The following MGAT4C variants were observed in gnomAD, a reference collection of about 807,000 sequenced individuals.
MGAT4C encodes the protein alpha-1,3-mannosyl-glycoprotein 4-beta-N-acetylglucosaminyltransferase C.
A neutral mutation model predicts 40.1 loss-of-function variants in MGAT4C; 19 were observed. The ratio of observed to expected loss-of-function variants is 0.47; its 90% CI spans 0.33 to 0.70. The LOEUF (loss-of-function observed/expected upper bound fraction) is 0.70. Among genes scored for constraint, MGAT4C ranks in the 30% least tolerant of loss-of-function variants. The pLI, the probability that MGAT4C is intolerant of heterozygous loss-of-function variation, is 0.02. For missense variants in MGAT4C, 491 were observed against 563.2 expected (o/e 0.87, Z 1.30); for synonymous variants, 181 against 187.1 (o/e 0.97, Z 0.27).
intron 1 of MGAT4C, among the ~76,000 whole-genome samples, chr12:86,744,770 T>G (rs1245705950): frequency 6.6e-6 from 1 of 151,572 alleles, no homozygotes; most frequent in Non-Finnish European, 1.5e-5. Context: ...TCTGAGATTC[T>G]GTGTGGTAAA....
At chr12:86,135,295 G>A (rs1355416022) in intron 1 of MGAT4C, among the ~76,000 whole-genome samples, 3 of 152,100 alleles carry the variant, frequency 2.0e-5, no homozygotes, top group African/African-American at 7.2e-5. Flanking sequence ...GATCAAAGAC[G>A]TTTCTAGAAG....
intron 2 of MGAT4C, among the ~76,000 whole-genome samples, chr12:86,539,593 C>T (rs1417747012): frequency 2.0e-5 from 3 of 152,276 alleles, no homozygotes; most frequent in Non-Finnish European, 4.4e-5. Flanking sequence ...CTTGAGGAAT[C>T]GCCACACTGT....
chr12:86,171,284 G>T (rs1359434842), intron 1 of MGAT4C, among the ~76,000 whole-genome samples: 2 of 152,034 alleles, frequency 1.3e-5, no homozygotes, highest in East Asian at 1.9e-4. Context: ...CAGGAGAATC[G>T]CTTGAACCCA....
intron 3 of MGAT4C, among the ~76,000 whole-genome samples, chr12:86,385,054 C>T (rs1956025640): frequency 6.6e-6 from 1 of 152,080 alleles, no homozygotes; most frequent in African/African-American, 2.4e-5. Context: ...TTAATGTTAC[C>T]ATTTAAAATT....
At chr12:86,120,312 G>C (rs1467721212) in intron 1 of MGAT4C, among the ~76,000 whole-genome samples, 1 of 152,016 alleles carries the variant, frequency 6.6e-6, no homozygotes, top group African/African-American at 2.4e-5. Context: ...CACCTCTGGG[G>C]GCAGGGCATA....
chr12:86,636,942 C>G (rs532679620), intron 2 of MGAT4C, among the ~76,000 whole-genome samples: 1 of 151,958 alleles, frequency 6.6e-6, no homozygotes, highest in African/African-American at 2.4e-5. Context: ...CATATTTCAA[C>G]ATAGTAATTT....
chr12:86,817,092 A>G (rs1952621270), intron 1 of MGAT4C, among the ~76,000 whole-genome samples: 2 of 150,700 alleles, frequency 1.3e-5, no homozygotes, highest in African/African-American at 2.4e-5. Context: ...ATGTTACATT[A>G]ATTTTCAAGC....
At chr12:86,491,122 AT>A (rs1488804885) in intron 2 of MGAT4C, among the ~76,000 whole-genome samples, 1 of 152,292 alleles carries the variant, frequency 6.6e-6, no homozygotes, top group Non-Finnish European at 1.5e-5. Flanking sequence ...GAATAGACCA[AT>A]AACAGGCTCT....
intron 2 of MGAT4C, among the ~76,000 whole-genome samples, chr12:86,032,341 T>A (rs1890836606): frequency 6.6e-6 from 1 of 150,640 alleles, no homozygotes; most frequent in African/African-American, 2.4e-5. Context: ...ATCGCAACAC[T>A]GCTTTCCACA....
At chr12:86,276,229 T>G (rs1953078490) in intron 4 of MGAT4C, among the ~76,000 whole-genome samples, 1 of 152,202 alleles carries the variant, frequency 6.6e-6, no homozygotes, top group Admixed American at 6.5e-5. Flanking sequence ...TAAATTTAGC[T>G]ATTATTATTG....
intron 2 of MGAT4C, among the ~76,000 whole-genome samples, chr12:86,611,590 G>A (rs967189754): frequency 1.3e-5 from 2 of 152,068 alleles, no homozygotes; most frequent in African/African-American, 4.8e-5. Context: ...TCAGCAATTT[G>A]TAGTACTGCT....
chr12:86,129,603 A>G (rs1251377325), intron 1 of MGAT4C, among the ~76,000 whole-genome samples: 1 of 40,728 alleles, frequency 2.5e-5, no homozygotes, highest in Non-Finnish European at 3.5e-5. Context: ...TCTGTCGCCC[A>G]GGCTGGAGTG....
chr12:86,588,859 A>T (rs1267001961), intron 2 of MGAT4C, among the ~76,000 whole-genome samples: 2 of 151,912 alleles, frequency 1.3e-5, no homozygotes, highest in Non-Finnish European at 2.9e-5. Flanking sequence ...ACCAACGAGA[A>T]CAAAGACACA....
rs937991856 is a variant in MGAT4C, at chr12:85,969,173, G to C, written c.*10116C>G. 2.0e-5 allele frequency: 3 copies of C among 151,664 alleles called. No homozygotes were observed. The highest frequency in any genetic ancestry group is 4.4e-5 in the Non-Finnish European group (3 of 67,718). 9.4% of individuals were successfully genotyped at this position (151,664 alleles called of 1,614,324 possible). ...TATTGAAAAGATGATTCTTTTGCAT[G>C]ATGACTTGTTATAATCATTACTTTC... On this transcript the variant is annotated 3_prime_UTR_variant, in exon 5 of 5. Transcript: ENST00000611864.
intron 1 of MGAT4C, among the ~76,000 whole-genome samples, chr12:86,183,489 C>T (rs1888349947): frequency 6.6e-6 from 1 of 152,158 alleles, no homozygotes; most frequent in South Asian, 2.1e-4. Flanking sequence ...ATCCAGCAAA[C>T]TATCTGATAC....
chr12:86,774,176 A>T (rs1396753807), intron 1 of MGAT4C, among the ~76,000 whole-genome samples: 1 of 151,452 alleles, frequency 6.6e-6, no homozygotes, highest in Non-Finnish European at 1.5e-5. Context: ...CTGGTCTTGA[A>T]CTTCTGACCT....
At chr12:86,262,549 C>T (rs1257881157) in intron 4 of MGAT4C, among the ~76,000 whole-genome samples, 1 of 151,948 alleles carries the variant, frequency 6.6e-6, no homozygotes, top group Non-Finnish European at 1.5e-5. Context: ...AATAGATTTA[C>T]TTCTGTGACT....
At chr12:86,165,180 G>T (rs1886050122) in intron 1 of MGAT4C, among the ~76,000 whole-genome samples, 1 of 151,984 alleles carries the variant, frequency 6.6e-6, no homozygotes, top group South Asian at 2.1e-4. Flanking sequence ...TTTAAGCTAG[G>T]ATAATTAGAT....
At chr12:86,792,145 G>T (rs1321285128) in intron 1 of MGAT4C, among the ~76,000 whole-genome samples, 1 of 152,010 alleles carries the variant, frequency 6.6e-6, no homozygotes, top group Non-Finnish European at 1.5e-5. Context: ...AAAATCAAAA[G>T]TCCAGTCAAA....
Sources: allele counts gnomAD v4.1 joint callset (sites outside exome capture counted in the v4.1 genomes callset), GRCh38; gene constraint gnomAD v4.1.1; transcripts MANE v1.5; gene names NCBI Gene and HGNC (gene_info 2026-07-23, HGNC 2026-07-21).